ABL2: variants seen among roughly 807,000 people sequenced by gnomAD.
ABL2 encodes the protein tyrosine-protein kinase ABL2.
A neutral mutation model predicts 107.7 loss-of-function variants in ABL2; 49 were observed. That is an observed-to-expected ratio of 0.45 (90% CI 0.36 to 0.58). The LOEUF is 0.58. ABL2 is among the 20% of genes least tolerant of loss of function. The pLI, the probability that ABL2 is intolerant of heterozygous loss-of-function variation, is 0.00. For missense variants in ABL2, 1,245 were observed against 1,457.0 expected (o/e 0.85, Z 2.37); for synonymous variants, 549 against 548.6 (o/e 1.00, Z -0.01).
chr1:179,207,629 A>T (rs1304178078), intron 1 of ABL2, among the ~76,000 whole-genome samples: 2 of 152,206 alleles, frequency 1.3e-5, no homozygotes, highest in Non-Finnish European at 2.9e-5. Flanking sequence ...TCATAACTCT[A>T]TGAGGTAGGT....
intron 3 of ABL2, 117 bp downstream of exon 3, chr1:179,131,194 T>C: frequency 8.8e-7 from 1 of 1,132,064 alleles, no homozygotes; most frequent in Non-Finnish European, 1.2e-6. Flanking sequence ...CCTGCCCGCC[T>C]TGGCCTCCCA....
intron 1 of ABL2, among the ~76,000 whole-genome samples, chr1:179,209,306 A>G (rs28990070): frequency 2.1e-3 from 319 of 152,266 alleles, no homozygotes; most frequent in African/African-American, 7.3e-3. Flanking sequence ...AGTTCCCCCC[A>G]GGTTATTATC....
Position 179,108,022 on chromosome 1 carries a change from T to C in ABL2, c.3245A>G (p.Asp1082Gly), listed in dbSNP as rs1311194199. 1.9e-6 allele frequency: 3 copies of C among 1,614,248 alleles called. No individual in the cohort carries two copies. The South Asian group carries it at 3.3e-5, about 18-fold the overall frequency. The change falls in exon 12 of 12, where the codon GAC becomes GGC. Residue 1082 changes from aspartate to glycine, a missense_variant. Around this residue, in one of 3 missense-constraint regions of ABL2, gnomAD observed 761 missense variants for 766.4 expected, o/e 0.99. Transcript: ENST00000502732. ...CAGCAGGGCCTCTTTGCTGATTTTG[T>C]CTGCTGAGATTTTCTCAGCGGCCTG... is the stretch of plus-strand genomic sequence containing the variant. ...TKQAAEKISA[D>G]KISKEALLEC...
intron 1 of ABL2, among the ~76,000 whole-genome samples, chr1:179,190,623 G>A (rs985179387): frequency 3.3e-5 from 5 of 152,042 alleles, no homozygotes; most frequent in Non-Finnish European, 7.4e-5. Flanking sequence ...GGAGGGGGGT[G>A]AGGGGGTGAG....
At position 179,108,506 on chromosome 1, in the gene ABL2, G is replaced by A; in HGVS notation, c.2761C>T (p.Pro921Ser). The A allele has an allele frequency of 1.2e-6, 2 of 1,614,156 alleles. No homozygotes were observed. Among genetic ancestry groups the A allele is most frequent in the Non-Finnish European group, 8.5e-7 (1 of 1,180,020 alleles). Reference protein sequence around the residue: ...PGWPSPAKAAPVLPTTHNHKV... With the variant: ...PGWPSPAKAASVLPTTHNHKV... ...TGGTTGTGAGTGGTTGGGAGGACGG[G>A]GGCAGCCTTGGCTGGAGAAGGCCAG... Residue 921 changes from proline (P) to serine (S), a missense_variant, in exon 12 of 12, where the codon CCC (proline) becomes TCC (serine). Coordinates refer to ENST00000502732, the MANE Select transcript of ABL2 (RefSeq NM_007314.4).
chr1:179,213,943 TA>T (rs1428297003), intron 1 of ABL2, among the ~76,000 whole-genome samples: 1 of 151,826 alleles, frequency 6.6e-6, no homozygotes, highest in Admixed American at 6.6e-5. Context: ...CCCTATCTCT[TA>T]AAAGAAAAAA....
chr1:179,111,614 T>C (rs1185527786), intron 10 of ABL2, among the ~76,000 whole-genome samples: 1 of 152,164 alleles, frequency 6.6e-6, no homozygotes, highest in Non-Finnish European at 1.5e-5. Context: ...GCCTTTTTGG[T>C]AGGCTGTGGA....
intron 1 of ABL2, among the ~76,000 whole-genome samples, chr1:179,157,966 C>T (rs58082966): frequency 0.02 from 3,110 of 152,276 alleles, 119 homozygotes; most frequent in African/African-American, 0.072. Context: ...GTATTTAAAC[C>T]GTCTCGAAAG....
Position 179,133,368 on chromosome 1 carries a change from A to C in ABL2, c.164T>G (p.Phe55Cys), listed in dbSNP as rs2102673376. ...AAATCCATCCTCCACACAGCTGGCA[A>C]AGTGATCTATTTAAGAAAAAAATTG... is the stretch of plus-strand genomic sequence containing the variant. ...GFNIFTQHDH[F>C]ASCVEDGFEG... Residue 55 changes from phenylalanine to cysteine, a missense_variant, in exon 2 of 12, where the codon TTT becomes TGT. By Grantham distance (205) the Phe-to-Cys change is radical. This residue lies in a region of ABL2 where 164 missense variants were observed against 143.7 expected (regional missense o/e 1.14). Coordinates refer to ENST00000502732, the MANE Select transcript of ABL2 (RefSeq NM_007314.4). 6.2e-7 allele frequency: 1 copy of C among 1,614,168 alleles called. No individual in the cohort carries two copies. The highest frequency in any genetic ancestry group is 8.5e-7 in the Non-Finnish European group (1 of 1,180,030).
At chr1:179,120,885 A>G (rs1655127240) in intron 5 of ABL2, among the ~76,000 whole-genome samples, 1 of 152,176 alleles carries the variant, frequency 6.6e-6, no homozygotes, top group Non-Finnish European at 1.5e-5. Context: ...CAGATATCTC[A>G]GGCTTTGAAT....
At chr1:179,112,449 C>T (rs774459554) in intron 9 of ABL2, 51 bp from the exon 10 acceptor site, 6 of 1,427,392 alleles carry the variant, frequency 4.2e-6, no homozygotes, top group Non-Finnish European at 5.9e-6. Context: ...AATTCAATAT[C>T]CAGTGGTGTA....
intron 7 of ABL2, 91 bp downstream of exon 7, chr1:179,118,496 G>A: frequency 2.2e-6 from 3 of 1,348,684 alleles, no homozygotes; most frequent in Non-Finnish European, 3.1e-6. Context: ...TGAATCATCT[G>A]AAATTTTCTG....
chr1:179,209,638 T>C (rs192028308), intron 1 of ABL2, among the ~76,000 whole-genome samples: 1 of 152,320 alleles, frequency 6.6e-6, no homozygotes, highest in East Asian at 1.9e-4. Context: ...TTCAAATATA[T>C]TAGAATATAT....
chr1:179,213,519 T>G (rs1407957364), intron 1 of ABL2, among the ~76,000 whole-genome samples: 1 of 152,056 alleles, frequency 6.6e-6, no homozygotes. Flanking sequence ...CAGGCTGGTC[T>G]CAAACTCCTG....
At chr1:179,229,206 C>CCCCCCCCCCCCCCCAA in intron 1 of ABL2, 35 bp downstream of exon 1, 1 of 1,480,760 alleles carries the variant, frequency 6.8e-7, no homozygotes, top group Non-Finnish European at 9.0e-7. Context: ...CCCGGCCTCC[C>CCCCCCCCCCCCCCCAA]CCACGCTCTC....
intron 1 of ABL2, among the ~76,000 whole-genome samples, chr1:179,217,216 C>A (rs192686384): frequency 6.6e-6 from 1 of 151,804 alleles, no homozygotes; most frequent in Admixed American, 6.6e-5. Context: ...ATCGCTTGAA[C>A]TCAGAAGGCC....
chr1:179,148,715 C>A (rs1658175469), intron 1 of ABL2, among the ~76,000 whole-genome samples: 1 of 152,030 alleles, frequency 6.6e-6, no homozygotes, highest in Admixed American at 6.6e-5. Flanking sequence ...GCCTCGCCAA[C>A]ATGGTGAAAC....
chr1:179,110,576 C>T (rs1653956526), intron 10 of ABL2, 121 bp from the exon 11 acceptor site: 5 of 1,501,840 alleles, frequency 3.3e-6, no homozygotes, highest in Admixed American at 2.5e-5. Context: ...AATACATACA[C>T]GGAATCATAA....
intron 1 of ABL2, among the ~76,000 whole-genome samples, chr1:179,199,709 T>TC (rs1283923268): frequency 6.0e-5 from 9 of 148,810 alleles, no homozygotes; most frequent in Non-Finnish European, 1.0e-4. Context: ...TCTATCTAGT[T>TC]CCAAAACCCA....
Sources: allele counts gnomAD v4.1 joint callset (sites outside exome capture counted in the v4.1 genomes callset), GRCh38; gene constraint gnomAD v4.1.1; regional missense constraint gnomAD v4.1.1; transcripts MANE v1.5; gene names NCBI Gene and HGNC (gene_info 2026-07-23, HGNC 2026-07-21).